The following DYNC2I1 variants were observed in gnomAD, a reference collection of about 807,000 sequenced individuals.
DYNC2I1 encodes the protein cytoplasmic dynein 2 intermediate chain 1.
In DYNC2I1, 89 loss-of-function variants were observed where a neutral mutation model predicts 133.4. That is an observed-to-expected ratio of 0.67 (90% CI 0.56 to 0.80). The LOEUF is 0.80. Among genes scored for constraint, DYNC2I1 ranks in the 30% least tolerant of loss-of-function variants. The pLI, the probability that DYNC2I1 is intolerant of heterozygous loss-of-function variation, is 0.00. For missense variants in DYNC2I1, 1,291 were observed against 1,314.5 expected (o/e 0.98, Z 0.28); for synonymous variants, 504 against 484.3 (o/e 1.04, Z -0.54).
intron 11 of DYNC2I1, among the ~76,000 whole-genome samples, chr7:158,909,352 AAAAGAT>A (rs1268437616): frequency 1.1e-3 from 171 of 151,628 alleles, no homozygotes; most frequent in Non-Finnish European, 1.6e-3. Flanking sequence ...AAAAAAAAAA[AAAAGAT>A]AATACTTCAG....
downstream of DYNC2I1, among the ~76,000 whole-genome samples, chr7:158,950,419 A>G (rs963369554): frequency 1.3e-5 from 2 of 151,420 alleles, no homozygotes; most frequent in South Asian, 2.1e-4. Context: ...CAGGTGTTCT[A>G]TATGATTCCA....
At chr7:158,949,729 A>G (rs1851996097), downstream of DYNC2I1, among the ~76,000 whole-genome samples, 1 of 152,030 alleles carries the variant, frequency 6.6e-6, no homozygotes, top group Non-Finnish European at 1.5e-5. Context: ...GCAAAGCAAG[A>G]CAAGTAAGGA....
At chr7:158,944,194 G>T (rs917354184) in intron 24 of DYNC2I1, among the ~76,000 whole-genome samples, 2 of 152,298 alleles carry the variant, frequency 1.3e-5, no homozygotes, top group South Asian at 4.1e-4. Flanking sequence ...GAACAGGCAG[G>T]GCCCTCAGGG....
chr7:158,857,543 T>C (rs893613795), intron 1 of DYNC2I1, among the ~76,000 whole-genome samples: 1 of 148,064 alleles, frequency 6.8e-6, no homozygotes, highest in African/African-American at 2.5e-5. Flanking sequence ...GGTTTTTGTT[T>C]TTTTTTTTTT....
intron 15 of DYNC2I1, 74 bp from the exon 16 acceptor site, chr7:158,922,303 A>T: frequency 3.4e-6 from 5 of 1,468,540 alleles, no homozygotes; most frequent in Admixed American, 3.9e-5. Context: ...TTTTTTGAGT[A>T]TTCGGAAGTG....
chr7:158,839,651 C>A, the DYNC2I1 span, among the ~76,000 whole-genome samples: 21 of 152,186 alleles, frequency 1.4e-4, no homozygotes, highest in East Asian at 2.9e-3. Context: ...AACCCCGTCT[C>A]TACTAAAAAT....
chr7:158,953,243 C>T (rs1023927868), intron 4 of DYNC2I1, among the ~76,000 whole-genome samples: 1 of 147,852 alleles, frequency 6.8e-6, no homozygotes, highest in African/African-American at 2.5e-5. Flanking sequence ...TGCTCCTACC[C>T]TCCTCGCCCT....
At chr7:158,896,129 G>C (rs562792641) in intron 8 of DYNC2I1, among the ~76,000 whole-genome samples, 1 of 152,252 alleles carries the variant, frequency 6.6e-6, no homozygotes, top group South Asian at 2.1e-4. Context: ...CTTCCAGCAT[G>C]ATGCTGACAC....
Position 158,926,449 on chromosome 7 carries a change from G to A in DYNC2I1, c.2419G>A (p.Val807Ile), listed in dbSNP as rs761496000. 1.2e-6 allele frequency: 2 copies of A among 1,613,322 alleles called. No homozygotes were observed. The highest frequency in any genetic ancestry group is 2.2e-5 in the South Asian group (2 of 90,912). The change falls in exon 19 of 25, where the codon GTT becomes ATT. Residue 807 changes from valine to isoleucine, a missense_variant. Physicochemically the swap from Val to Ile is conservative, Grantham distance 29 (BLOSUM62 3). Coordinates refer to ENST00000407559, the MANE Select transcript of DYNC2I1 (RefSeq NM_018051.5). ...CATCGCTTCCTTGGATGAGAGTGGG[G>A]TTCTCAATGTATGGGTGAGTAGTGG... ...FHIASLDESG[V>I]LNVWVVVELP...
Position 158,884,728 on chromosome 7 carries a change from A to G in DYNC2I1, c.935+109A>G, listed in dbSNP as rs1462470821. The G allele has an allele frequency of 6.6e-6, 7 of 1,056,368 alleles. No individual in the cohort carries two copies. In the Admixed American group the frequency reaches 1.2e-4, roughly 19 times the overall value. The allele number at this position is 1,056,368 out of a possible 1,614,324, so 65.4% of individuals were successfully genotyped here. A position where few individuals can be genotyped will look rare whatever the true frequency, so the allele number is the denominator to read the frequency against. Reference sequence around the variant, plus strand: ...GACGGCCAGTCCATGGCAATCAGTTATAGATATACTTCATTTTCTCTAGAT... The same window carrying G: ...GACGGCCAGTCCATGGCAATCAGTTGTAGATATACTTCATTTTCTCTAGAT... On this transcript the variant is annotated intron_variant, in intron 6 of 24. Transcript: ENST00000407559.
intron 8 of DYNC2I1, among the ~76,000 whole-genome samples, chr7:158,892,063 G>T (rs1166572448): frequency 6.6e-6 from 1 of 152,174 alleles, no homozygotes; most frequent in Non-Finnish European, 1.5e-5. Context: ...GCCCCAGTGT[G>T]GTTCTAGCTC....
At chr7:158,901,885 G>T (rs1313338459) in intron 9 of DYNC2I1, 69 bp downstream of exon 9, 1 of 1,128,412 alleles carries the variant, frequency 8.9e-7, no homozygotes. Flanking sequence ...CTTATATATA[G>T]TAATTTGATG....
chr7:158,916,280 T>G (rs1325690293), intron 14 of DYNC2I1, among the ~76,000 whole-genome samples: 1 of 97,088 alleles, frequency 1.0e-5, no homozygotes, highest in African/African-American at 3.6e-5. Context: ...TTAGGATGAT[T>G]GTGAAACCTC....
chr7:158,882,544 C>G (rs943584079), intron 5 of DYNC2I1, among the ~76,000 whole-genome samples: 1 of 152,202 alleles, frequency 6.6e-6, no homozygotes. Context: ...GATCATATCA[C>G]TGCAGTCCAA....
At chr7:158,898,234 C>T (rs541033099) in intron 8 of DYNC2I1, among the ~76,000 whole-genome samples, 9 of 152,294 alleles carry the variant, frequency 5.9e-5, no homozygotes, top group Non-Finnish European at 1.0e-4. Context: ...AGCAGTCTAA[C>T]GCTGCCCATT....
the DYNC2I1 span, among the ~76,000 whole-genome samples, chr7:158,846,783 C>T: frequency 3.0e-3 from 450 of 152,290 alleles, 1 homozygote; most frequent in Non-Finnish European, 5.2e-3. Flanking sequence ...TTGAGAAGGC[C>T]TGGGATGGTA....
At chr7:158,942,474 T>C (rs1442728497) in intron 24 of DYNC2I1, among the ~76,000 whole-genome samples, 1 of 152,096 alleles carries the variant, frequency 6.6e-6, no homozygotes, top group Non-Finnish European at 1.5e-5. Flanking sequence ...CACTCTTGGG[T>C]TGTGCATTTA....
intron 8 of DYNC2I1, among the ~76,000 whole-genome samples, chr7:158,896,295 T>A (rs957274524): frequency 2.6e-5 from 4 of 152,176 alleles, no homozygotes; most frequent in African/African-American, 7.2e-5. Context: ...GTTTTATCAT[T>A]AATGGTTGTT....
chr7:158,840,289 G>A, the DYNC2I1 span, among the ~76,000 whole-genome samples: 2 of 152,092 alleles, frequency 1.3e-5, no homozygotes, highest in South Asian at 2.1e-4. Flanking sequence ...GGTTTTGGCC[G>A]GGCTTGGTGC....
Sources: allele counts gnomAD v4.1 joint callset (sites outside exome capture counted in the v4.1 genomes callset), GRCh38; gene constraint gnomAD v4.1.1; transcripts MANE v1.5; gene names NCBI Gene and HGNC (gene_info 2026-07-23, HGNC 2026-07-21).